ZNF436: variants seen among roughly 807,000 people sequenced by gnomAD.
ZNF436 encodes zinc finger protein 436.
In ZNF436, 22 loss-of-function variants were observed where a neutral mutation model predicts 41.9. The ratio of observed to expected loss-of-function variants is 0.53; its 90% CI spans 0.38 to 0.75. ZNF436 has a LOEUF of 0.75. Among genes scored for constraint, ZNF436 ranks in the 30% least tolerant of loss-of-function variants. The pLI is 0.00. For missense variants in ZNF436, 506 were observed against 587.3 expected (o/e 0.86, Z 1.43); for synonymous variants, 217 against 197.8 (o/e 1.10, Z -0.82).
Position 23,369,643 on chromosome 1 carries a change from A to G in ZNF436, c.-338T>C, listed in dbSNP as rs564318164. 6.0e-6 allele frequency: 3 copies of G among 501,996 alleles called. No homozygotes were observed. The highest frequency in any genetic ancestry group is 1.3e-5 in the Non-Finnish European group (3 of 238,512). 31.1% of individuals were successfully genotyped at this position (501,996 alleles called of 1,614,324 possible). On this transcript the variant is annotated 5_prime_UTR_variant, in exon 1 of 4. Coordinates refer to ENST00000314011, the MANE Select transcript of ZNF436 (RefSeq NM_001077195.2). ...ACAGGCTCATAGGCAGATCCCTGAG[A>G]CCACAGAGGCTGGCCGAGAAACCAC...
chr1:23,360,661 G>A lies in ZNF436; in HGVS notation c.*1308C>T, dbSNP rs1013892738. ...AGCCAAAGAGTTCTTCATTACCATA[G>A]AAGATAATTCATTCTGAGAATAGGA... On this transcript the variant is annotated 3_prime_UTR_variant, in exon 4 of 4. Transcript: ENST00000314011. The A allele has an allele frequency of 1.3e-5, 2 of 152,712 alleles. No individual in the cohort carries two copies. The highest frequency in any genetic ancestry group is 1.9e-4 in the East Asian group (1 of 5,176). 9.5% of individuals were successfully genotyped at this position (152,712 alleles called of 1,614,324 possible).
chr1:23,367,213 C>T (rs1417281221), intron 2 of ZNF436, 45 bp from the exon 3 acceptor site: 7 of 1,527,546 alleles, frequency 4.6e-6, no homozygotes, highest in Non-Finnish European at 5.3e-6. Context: ...TTTAGGACTT[C>T]TTGAAATTAG....
At position 23,367,045 on chromosome 1, in the gene ZNF436, G is replaced by C; in HGVS notation, c.157C>G (p.Leu53Val). The change falls in exon 3 of 4, where the codon CTA becomes GTA. Residue 53 changes from leucine to valine, a missense_variant. Physicochemically the swap from Leu to Val is conservative, Grantham distance 32 (BLOSUM62 1). This residue lies in a region of ZNF436 where 228 missense variants were observed against 215.1 expected (regional missense o/e 1.06). Transcript: ENST00000314011. ...GAAAGGTAGAATCCTTACTTACCTA[G>C]TGAGACAACATTTCCATAATTCTCC... ...MQENYGNVVS[L>V]DFEIRSENEV... 6.2e-7 allele frequency: 1 copy of C among 1,613,042 alleles called. No homozygotes were observed.
rs201272187 is a variant in ZNF436, at chr1:23,363,032, T to C, written c.350A>G (p.Tyr117Cys). The C allele has an allele frequency of 1.3e-5, 21 of 1,614,092 alleles. No homozygotes were observed. The highest frequency in any genetic ancestry group is 1.8e-5 in the Non-Finnish European group (21 of 1,180,044). The change falls in exon 4 of 4, where the codon TAT (tyrosine) becomes TGT (cysteine). Residue 117 changes from tyrosine to cysteine, a missense_variant. Tyr to Cys is a radical substitution (Grantham distance 194, BLOSUM62 -2). This residue lies in a region of ZNF436 where 228 missense variants were observed against 215.1 expected (regional missense o/e 1.06). Transcript: ENST00000314011. ...GDLTAEEWVS[Y>C]PLQPVTDLLV... ...TAGATCAGTGACTGGTTGGAGAGGA[T>C]AGCTTACCCACTCTTCTGCTGTTAA...
At chr1:23,366,258 G>C (rs909793010) in intron 3 of ZNF436, among the ~76,000 whole-genome samples, 5 of 152,140 alleles carry the variant, frequency 3.3e-5, no homozygotes, top group African/African-American at 1.2e-4. Context: ...AAGGCTATGG[G>C]AATAAAGATT....
intron 1 of ZNF436, 138 bp downstream of exon 1, chr1:23,369,228 G>A (rs1638441313): frequency 2.3e-6 from 1 of 432,800 alleles, no homozygotes. Flanking sequence ...CTGCTACAGG[G>A]GCTCCCAGCG....
Position 23,368,063 on chromosome 1 carries a change from G to C in ZNF436, c.-58C>G. ...GAGCAGGAAAAGCAGCTAGCAGACA[G>C]CGCTGAAGGAGGCGAAAAGCAGGGC... On this transcript the variant is annotated splice_region_variant and 5_prime_UTR_variant, in exon 2 of 4. Coordinates refer to ENST00000314011, the MANE Select transcript of ZNF436 (RefSeq NM_001077195.2). The C allele has an allele frequency of 6.2e-7, 1 of 1,602,998 alleles. No individual in the cohort carries two copies. Among genetic ancestry groups the C allele is most frequent in the Non-Finnish European group, 8.5e-7 (1 of 1,170,796 alleles).
intron 3 of ZNF436, among the ~76,000 whole-genome samples, chr1:23,366,160 T>C (rs1392002207): frequency 1.3e-5 from 2 of 152,198 alleles, no homozygotes; most frequent in Non-Finnish European, 2.9e-5. Context: ...ATGGTTACTT[T>C]TATAAAGAAA....
chr1:23,364,023 C>T (rs1384879843), intron 3 of ZNF436, among the ~76,000 whole-genome samples: 3 of 150,804 alleles, frequency 2.0e-5, no homozygotes, highest in Admixed American at 6.6e-5. Context: ...ATATGGGTGA[C>T]AGAACGAGAC....
Position 23,362,253 on chromosome 1 carries a change from G to A in ZNF436, c.1129C>T (p.Leu377Phe). ...GTGTGAATTTTCTGGTGTGTGATGA[G>A]ATGAGAGCTCCGGCTGAAGCTTTTC... ...CGKSFSRSSH[L>F]ITHQKIHTGE... is the part of the protein sequence containing the mutation. The change falls in exon 4 of 4, where the codon CTC (leucine) becomes TTC (phenylalanine). Residue 377 changes from leucine to phenylalanine, a missense_variant. Physicochemically the swap from Leu to Phe is conservative, Grantham distance 22. This residue lies in a region of ZNF436 where 278 missense variants were observed against 372.1 expected (regional missense o/e 0.75). Transcript: ENST00000314011. 1 of 1,614,194 alleles carries A rather than the reference G, an allele frequency of 6.2e-7. No individual in the cohort carries two copies. The highest frequency in any genetic ancestry group is 8.5e-7 in the Non-Finnish European group (1 of 1,180,034).
At position 23,362,474 on chromosome 1, in the gene ZNF436, T is replaced by C; in HGVS notation, c.908A>G (p.Glu303Gly). 1 of 1,614,138 alleles carries C rather than the reference T, an allele frequency of 6.2e-7. No individual in the cohort carries two copies. Among genetic ancestry groups the C allele is most frequent in the South Asian group, 1.1e-5 (1 of 91,092 alleles). The part of the protein sequence containing the change: ...LIKHYRVHTG[E>G]RPYKCDECGK... ...ACACTCATCACACTTGTAGGGCCTC[T>C]CCCCTGTGTGGACTCGATAGTGTTT... The change falls in exon 4 of 4, where the codon GAG (glutamate) becomes GGG (glycine). Residue 303 changes from glutamate (E) to glycine (G), a missense_variant. Transcript: ENST00000314011.
chr1:23,368,303 C>T (rs961717181), intron 1 of ZNF436: 4 of 407,632 alleles, frequency 9.8e-6, no homozygotes, highest in Non-Finnish European at 1.8e-5. Context: ...GGGGGTTAGA[C>T]CGCTGCTGTC....
In ZNF436 at chr1:23,362,071, T is replaced by A; in HGVS notation, c.1311A>T (p.Gln437His). ...FTQSSNLITHQRVHTGEKPYE... is the reference protein window; with the variant it reads ...FTQSSNLITHHRVHTGEKPYE... ...AAGGTTTCTCTCCCGTGTGAACTCT[T>A]TGATGTGTGATGAGGTTGGAGCTCT... The change falls in exon 4 of 4, where the codon CAA (glutamine) becomes CAT (histidine). Residue 437 changes from glutamine to histidine, a missense_variant. Transcript: ENST00000314011. 6.2e-7 allele frequency: 1 copy of A among 1,613,846 alleles called. No individual in the cohort carries two copies. The highest frequency in any genetic ancestry group is 1.1e-5 in the South Asian group (1 of 91,068).
chr1:23,367,416 A>G (rs1380821579), intron 2 of ZNF436, among the ~76,000 whole-genome samples: 2 of 152,210 alleles, frequency 1.3e-5, no homozygotes, highest in Non-Finnish European at 2.9e-5. Flanking sequence ...TTCTCAGGAC[A>G]TATCTGGCAC....
chr1:23,369,136 T>G (rs1638437431), intron 1 of ZNF436: 7 of 273,178 alleles, frequency 2.6e-5, no homozygotes, highest in South Asian at 9.4e-5. Context: ...CAGAAGCGGG[T>G]GGCGGTGTAG....
rs1242829967 is a variant in ZNF436 at position 23,361,142 on chromosome 1, C to T, written c.*827G>A. 2 of 152,598 alleles carry T rather than the reference C, an allele frequency of 1.3e-5. No individual in the cohort carries two copies. Among genetic ancestry groups the T allele is most frequent in the African/African-American group, 4.8e-5 (2 of 41,462 alleles). The allele number at this position is 152,598 out of a possible 1,614,324, so 9.5% of individuals were successfully genotyped here. ...GACTCAATTCCACTTGCTCCTTACA[C>T]TTAACTGTCACTGATGGTCCTATCT... On this transcript the variant is annotated 3_prime_UTR_variant, in exon 4 of 4. Coordinates refer to ENST00000314011, the MANE Select transcript of ZNF436 (RefSeq NM_001077195.2).
At chr1:23,369,206 C>T (rs1169622966) in intron 1 of ZNF436, 160 bp downstream of exon 1, 4 of 418,958 alleles carry the variant, frequency 9.5e-6, no homozygotes, top group African/African-American at 8.3e-5. Flanking sequence ...CTTAGCGTCC[C>T]AGAGGGCTTG....
rs573046202 is a variant in ZNF436, at chr1:23,363,561, A to T, written c.161-340T>A. 2.8e-4 allele frequency among the ~76,000 whole-genome samples: 43 copies of T among 152,218 alleles called. No individual in the cohort carries two copies. The South Asian group carries it at 5.4e-3, about 19-fold the overall frequency. On this transcript the variant is annotated intron_variant, in intron 3 of 3. Transcript: ENST00000314011. ...AAATTATTTATATTCTTCGTCACAT[A>T]TATTCTTTATCACAGCTATTCTGAG...
chr1:23,364,840 G>A (rs551739467), intron 3 of ZNF436, among the ~76,000 whole-genome samples: 6 of 152,220 alleles, frequency 3.9e-5, no homozygotes, highest in Non-Finnish European at 7.3e-5. Flanking sequence ...AAGAAAGTAT[G>A]TATTTTGGGA....
Sources: gnomAD v4.1 joint callset for allele counts (sites outside exome capture counted in the v4.1 genomes callset) on GRCh38, gnomAD v4.1.1 for gene constraint, gnomAD v4.1.1 regional missense constraint, MANE v1.5 for transcripts, NCBI Gene and HGNC (gene_info 2026-07-23, HGNC 2026-07-21) for gene names.